RPAP3: variants seen among roughly 807,000 people sequenced by gnomAD.
RPAP3 encodes RNA polymerase II-associated protein 3.
In RPAP3, 58 loss-of-function variants were observed where a neutral mutation model predicts 88.8. The observed-to-expected ratio is 0.65, with a 90% CI of 0.53 to 0.81. The LOEUF (loss-of-function observed/expected upper bound fraction) is 0.81. RPAP3 is among the 40% of genes least tolerant of loss of function. RPAP3 has a pLI of 0.00. For missense variants in RPAP3, 751 were observed against 764.3 expected, an observed-to-expected ratio of 0.98 and a Z score of 0.20; for synonymous variants, 255 against 259.9, an observed-to-expected ratio of 0.98 and a Z score of 0.18.
intron 5 of RPAP3, among the ~76,000 whole-genome samples, chr12:47,691,990 C>T (rs555332096): frequency 3.3e-4 from 51 of 152,244 alleles, no homozygotes; most frequent in African/African-American, 1.2e-3. Context: ...TGTGATCTGC[C>T]CGCCTCGGCC....
At chr12:47,702,383 TAA>T (rs1427174785) in intron 2 of RPAP3, among the ~76,000 whole-genome samples, 2 of 143,190 alleles carry the variant, frequency 1.4e-5, no homozygotes, top group African/African-American at 2.5e-5. Context: ...CCGTCTCTAC[TAA>T]AAAAAAAAAA....
At chr12:47,700,712 G>C (rs1282449969) in intron 3 of RPAP3, among the ~76,000 whole-genome samples, 2 of 152,218 alleles carry the variant, frequency 1.3e-5, no homozygotes, top group African/African-American at 4.8e-5. Context: ...TCACATGTGG[G>C]AGATGGGAGG....
At position 47,671,512 on chromosome 12, in the gene RPAP3, AC is replaced by A. The variant is rs1017993917; in HGVS notation, c.1288-1168del. Among the ~76,000 whole-genome samples, 195 of 152,320 alleles carry A rather than the reference AC, an allele frequency of 1.3e-3. 1 individual carries two copies. Among genetic ancestry groups the A allele is most frequent in the African/African-American group, 4.5e-3 (187 of 41,572 alleles). ...ATTCCATTAATGCAGCTAAGATATG[AC>A]CCCAATGGTAATAAATGAGTGTTAC... On this transcript the variant is annotated intron_variant, in intron 12 of 16. Coordinates refer to ENST00000005386, the MANE Select transcript of RPAP3 (RefSeq NM_024604.3).
chr12:47,682,732 A>C lies in RPAP3; in HGVS notation c.993-915T>G, dbSNP rs532497555. 3.1e-4 allele frequency among the ~76,000 whole-genome samples: 47 copies of C among 152,090 alleles called. 1 individual carries two copies. Among genetic ancestry groups the C allele is most frequent in the African/African-American group, 1.1e-3 (46 of 41,500 alleles). ...TGCATTCTCCCCAAGGCCTAAATGG[A>C]TGTCATCTTGCCCTCAAAACAAAAT... On this transcript the variant is annotated intron_variant, in intron 9 of 16. Transcript: ENST00000005386.
At chr12:47,667,535 G>A (rs991618384) in intron 15 of RPAP3, among the ~76,000 whole-genome samples, 1 of 152,070 alleles carries the variant, frequency 6.6e-6, no homozygotes, top group African/African-American at 2.4e-5. Flanking sequence ...TAAGAGTACA[G>A]TAAATTCTCA....
intron 12 of RPAP3, among the ~76,000 whole-genome samples, chr12:47,671,290 A>T (rs1314531263): frequency 2.0e-5 from 3 of 152,202 alleles, no homozygotes; most frequent in Non-Finnish European, 4.4e-5. Flanking sequence ...AAATTTGCAA[A>T]TATTGATTAA....
intron 2 of RPAP3, among the ~76,000 whole-genome samples, chr12:47,701,918 A>AGTAGTGCAGTAGT (rs1160052877): frequency 6.6e-6 from 1 of 152,222 alleles, no homozygotes; most frequent in Non-Finnish European, 1.5e-5. Context: ...ACGATGAACC[A>AGTAGTGCAGTAGT]GCAGTAGTGC....
At chr12:47,682,368 C>T (rs1304688383) in intron 9 of RPAP3, among the ~76,000 whole-genome samples, 2 of 152,090 alleles carry the variant, frequency 1.3e-5, no homozygotes, top group South Asian at 4.1e-4. Flanking sequence ...CAACAAGGTG[C>T]TTAAGAAGAG....
chr12:47,687,306 G>T (rs1423773943), intron 8 of RPAP3, among the ~76,000 whole-genome samples: 2 of 152,000 alleles, frequency 1.3e-5, no homozygotes, highest in African/African-American at 4.8e-5. Context: ...TACAGTACCA[G>T]AATTATAAAG....
chr12:47,670,713 A>G (rs1033640763), intron 12 of RPAP3, among the ~76,000 whole-genome samples: 2 of 152,212 alleles, frequency 1.3e-5, no homozygotes, highest in African/African-American at 4.8e-5. Flanking sequence ...CAGCACAGTC[A>G]GTGGAAAGGT....
chr12:47,694,885 G>A (rs1236351867), intron 5 of RPAP3, among the ~76,000 whole-genome samples: 1 of 152,144 alleles, frequency 6.6e-6, no homozygotes, highest in Non-Finnish European at 1.5e-5. Flanking sequence ...ATGTTGGTAA[G>A]GGTAGGAAAT....
rs1938760664 is a variant in RPAP3 at position 47,661,586 on chromosome 12, T to C, written c.*1919A>G. 1 of 152,212 alleles carries C rather than the reference T, an allele frequency of 6.6e-6. No individual in the cohort carries two copies. Among genetic ancestry groups the C allele is most frequent in the Non-Finnish European group, 1.5e-5 (1 of 68,036 alleles). The allele number at this position is 152,212 out of a possible 1,614,324, so 9.4% of individuals were successfully genotyped here. The stretch of plus-strand genomic sequence containing the variant: ...TCTTAAATCACTACATGAAAATGTC[T>C]CTGGGGAGAAATCAGGCTAACATCA... On this transcript the variant is annotated 3_prime_UTR_variant, in exon 17 of 17. Transcript: ENST00000005386.
intron 12 of RPAP3, among the ~76,000 whole-genome samples, chr12:47,671,657 TC>T: frequency 6.6e-6 from 1 of 152,220 alleles, no homozygotes; most frequent in Non-Finnish European, 1.5e-5. Context: ...AAGAACTGTA[TC>T]AGCAAAAGTT....
chr12:47,688,803 T>G (rs1592480685), intron 7 of RPAP3, among the ~76,000 whole-genome samples: 1 of 152,334 alleles, frequency 6.6e-6, no homozygotes, highest in East Asian at 1.9e-4. Context: ...CACTGTCACT[T>G]TTCTCTCAAT....
intron 13 of RPAP3, among the ~76,000 whole-genome samples, chr12:47,669,604 A>G (rs73104103): frequency 0.06 from 9,171 of 152,276 alleles, 350 homozygotes; most frequent in Middle Eastern, 0.12. Context: ...ATGTAAAAAT[A>G]TATGAGTAAG....
intron 5 of RPAP3, among the ~76,000 whole-genome samples, chr12:47,694,751 C>T (rs1356274471): frequency 6.6e-6 from 1 of 151,840 alleles, no homozygotes; most frequent in Non-Finnish European, 1.5e-5. Flanking sequence ...CTTAACCTTA[C>T]TAATAGTTGA....
Position 47,681,881 on chromosome 12 carries a change from CTA to C in RPAP3, c.993-66_993-65del, listed in dbSNP as rs990380171. 3 of 1,439,494 alleles carry C rather than the reference CTA, an allele frequency of 2.1e-6. No individual in the cohort carries two copies. The Admixed American group carries it at 7.8e-5, about 38-fold the overall frequency. The allele number at this position is 1,439,494 out of a possible 1,614,324, so 89.2% of individuals were successfully genotyped here. A position where few individuals can be genotyped will look rare whatever the true frequency, so the allele number is the denominator to read the frequency against. On this transcript the variant is annotated intron_variant, in intron 9 of 16. Coordinates refer to ENST00000005386, the MANE Select transcript of RPAP3 (RefSeq NM_024604.3). Reference sequence around the variant, plus strand: ...AGCTTATGGAAAAATGTCATATAAACTAAGTTTCTAATTTAAAAAGCTTGTAT... The same window carrying C: ...AGCTTATGGAAAAATGTCATATAAACAGTTTCTAATTTAAAAAGCTTGTAT...
intron 5 of RPAP3, chr12:47,695,926 CTAGAT>C (rs1939516674): frequency 1.2e-5 from 2 of 161,138 alleles, no homozygotes; most frequent in Admixed American, 1.3e-4. Context: ...TAAATGTTCT[CTAGAT>C]TAAATAGTGG....
In RPAP3 at chr12:47,688,564, T is replaced by C. The variant is rs566142473; in HGVS notation, c.738+561A>G. Among the ~76,000 whole-genome samples, 188 of 152,332 alleles carry C rather than the reference T, an allele frequency of 1.2e-3. 9 individuals are homozygous for C. In the South Asian group the frequency reaches 0.037, roughly 30 times the overall value. On this transcript the variant is annotated intron_variant, in intron 7 of 16. Transcript: ENST00000005386. ...TGCTCATTTATTCAACAAATATTTA[T>C]TGAATTTCTATACGGGCCAGACACT...
Sources: gnomAD v4.1 joint callset for allele counts (sites outside exome capture counted in the v4.1 genomes callset) on GRCh38, gnomAD v4.1.1 for gene constraint, MANE v1.5 for transcripts, NCBI Gene and HGNC (gene_info 2026-07-23, HGNC 2026-07-21) for gene names.